Variants in FAM13A observed in about 807,000 individuals in gnomAD.
The protein encoded by FAM13A is protein FAM13A.
A neutral mutation model predicts 129.6 loss-of-function variants in FAM13A; 76 were observed. That is an observed-to-expected ratio of 0.59 (90% CI 0.49 to 0.71). The LOEUF (loss-of-function observed/expected upper bound fraction) is 0.71. Among genes scored for constraint, FAM13A ranks in the 30% least tolerant of loss-of-function variants. FAM13A has a pLI of 0.00. For missense variants in FAM13A, 1,108 were observed against 1,249.3 expected, an observed-to-expected ratio of 0.89 and a Z score of 1.70; for synonymous variants, 443 against 449.9, an observed-to-expected ratio of 0.98 and a Z score of 0.20.
At chr4:88,978,514 G>T (rs1164129701) in intron 4 of FAM13A, among the ~76,000 whole-genome samples, 1 of 152,204 alleles carries the variant, frequency 6.6e-6, no homozygotes, top group African/African-American at 2.4e-5. Flanking sequence ...CACAATTAAG[G>T]CTGGGTGCAG....
rs572243027 is a variant in FAM13A, at chr4:88,787,753, T to G, written c.1271A>C (p.Lys424Thr). The change falls in exon 10 of 24, where the codon AAG (lysine) becomes ACG (threonine). Residue 424 changes from lysine to threonine, a missense_variant and splice_region_variant. This residue lies in a region of FAM13A where 566 missense variants were observed against 595.7 expected (regional missense o/e 0.95). Transcript: ENST00000264344. ...AGAGGAAGAATCAATGCCAACTCACTTGTCTCTCCCATGTCGAACTTCATC... is the reference window on the plus strand; with the variant it reads ...AGAGGAAGAATCAATGCCAACTCACGTGTCTCTCCCATGTCGAACTTCATC... ...EQDEVRHGRD[K>T]GLINKENTPS... 2.5e-6 allele frequency: 4 copies of G among 1,610,770 alleles called. No homozygotes were observed. In the African/African-American group the frequency reaches 5.3e-5, roughly 22 times the overall value.
chr4:88,755,050 A>G (rs1743356454), intron 14 of FAM13A, among the ~76,000 whole-genome samples: 1 of 152,172 alleles, frequency 6.6e-6, no homozygotes, highest in African/African-American at 2.4e-5. Flanking sequence ...CGCCCCGTCA[A>G]AGTCCCAGGT....
At chr4:89,046,564 G>T (rs1416336708) in intron 1 of FAM13A, among the ~76,000 whole-genome samples, 1 of 152,162 alleles carries the variant, frequency 6.6e-6, no homozygotes, top group Non-Finnish European at 1.5e-5. Flanking sequence ...AAAAAGAAAA[G>T]AGTGGCCGGG....
chr4:88,863,010 A>ATATACATATATGTATATG (rs144141989), intron 6 of FAM13A, among the ~76,000 whole-genome samples: 1 of 150,640 alleles, frequency 6.6e-6, no homozygotes, highest in East Asian at 2.0e-4. Context: ...AAATATATAC[A>ATATACATATATGTATATG]TATATATTTG....
chr4:88,986,040 T>C (rs976999590), intron 4 of FAM13A, among the ~76,000 whole-genome samples: 1 of 152,026 alleles, frequency 6.6e-6, no homozygotes, highest in African/African-American at 2.4e-5. Context: ...CTAATAAAAA[T>C]GTTTTCCAAA....
chr4:88,949,333 A>C (rs1454635141), intron 4 of FAM13A, among the ~76,000 whole-genome samples: 1 of 152,206 alleles, frequency 6.6e-6, no homozygotes, highest in Non-Finnish European at 1.5e-5. Context: ...CACCTGATCA[A>C]ATTGCTCCAT....
intron 7 of FAM13A, among the ~76,000 whole-genome samples, chr4:88,828,831 C>T (rs1733444379): frequency 1.3e-5 from 2 of 152,160 alleles, no homozygotes; most frequent in African/African-American, 4.8e-5. Context: ...AATAAACTAC[C>T]TGGGTTATAT....
chr4:89,035,437 C>T (rs1304135124), intron 1 of FAM13A, among the ~76,000 whole-genome samples: 2 of 100,920 alleles, frequency 2.0e-5, no homozygotes, highest in Admixed American at 1.2e-4. Flanking sequence ...AATTAAAGCA[C>T]AAGAACAACA....
intron 4 of FAM13A, among the ~76,000 whole-genome samples, chr4:88,946,696 CTTT>C (rs545751558): frequency 1.3e-5 from 2 of 150,560 alleles, no homozygotes; most frequent in South Asian, 4.2e-4. Flanking sequence ...TCTGGCTCAG[CTTT>C]TTTTTTATTT....
At chr4:88,852,230 T>C (rs1025675996) in intron 6 of FAM13A, among the ~76,000 whole-genome samples, 2 of 151,824 alleles carry the variant, frequency 1.3e-5, no homozygotes, top group Admixed American at 6.6e-5. Flanking sequence ...GGCGTGATCT[T>C]GGCTTACTGC....
intron 6 of FAM13A, among the ~76,000 whole-genome samples, chr4:88,865,959 C>A (rs1740360544): frequency 6.9e-6 from 1 of 145,070 alleles, no homozygotes; most frequent in African/African-American, 2.6e-5. Context: ...GCACAGTCTG[C>A]CTCCTGGGTT....
At chr4:88,777,665 C>T (rs1722037963) in intron 11 of FAM13A, among the ~76,000 whole-genome samples, 1 of 151,756 alleles carries the variant, frequency 6.6e-6, no homozygotes, top group Non-Finnish European at 1.5e-5. Context: ...GACACCAAAT[C>T]TGTAAGACAC....
intron 6 of FAM13A, among the ~76,000 whole-genome samples, chr4:88,872,819 A>T (rs895069793): frequency 1.3e-5 from 2 of 152,216 alleles, no homozygotes; most frequent in Non-Finnish European, 2.9e-5. Context: ...TCTCCACCTC[A>T]AATCAACAGA....
chr4:88,970,325 T>C lies in FAM13A; in HGVS notation c.605+20648A>G, dbSNP rs552173746. On this transcript the variant is annotated intron_variant, in intron 4 of 23. Coordinates refer to ENST00000264344, the MANE Select transcript of FAM13A (RefSeq NM_014883.4). ...ATTCTTATGGATGGCTCCTGGAAAA[T>C]AGTAGAGGAGATGAGGCTATACAAG... 3.8e-4 allele frequency among the ~76,000 whole-genome samples: 57 copies of C among 151,904 alleles called. 1 individual carries two copies. The highest frequency in any genetic ancestry group is 1.3e-3 in the African/African-American group (54 of 41,412).
chr4:88,994,593 A>T (rs1039025965), intron 3 of FAM13A, among the ~76,000 whole-genome samples: 3 of 152,110 alleles, frequency 2.0e-5, no homozygotes, highest in Non-Finnish European at 4.4e-5. Context: ...TAATTCCAGC[A>T]CTTTAGGAGG....
chr4:88,861,523 T>C (rs1028888163), intron 6 of FAM13A, among the ~76,000 whole-genome samples: 3 of 152,134 alleles, frequency 2.0e-5, no homozygotes, highest in Non-Finnish European at 1.5e-5. Context: ...CTGTGGAACT[T>C]GGGAAGACAA....
intron 6 of FAM13A, among the ~76,000 whole-genome samples, chr4:88,901,312 C>T (rs1747263734): frequency 6.6e-6 from 1 of 152,136 alleles, no homozygotes; most frequent in Non-Finnish European, 1.5e-5. Flanking sequence ...ACCTACAGAA[C>T]TCTCCACCCA....
At chr4:89,041,413 G>A (rs779656238) in intron 1 of FAM13A, among the ~76,000 whole-genome samples, 6 of 152,058 alleles carry the variant, frequency 3.9e-5, no homozygotes, top group Non-Finnish European at 5.9e-5. Context: ...CATTTATGCC[G>A]AAGGTTGCAA....
intron 4 of FAM13A, among the ~76,000 whole-genome samples, chr4:88,962,267 T>C (rs570538651): frequency 6.6e-6 from 1 of 152,178 alleles, no homozygotes; most frequent in East Asian, 1.9e-4. Flanking sequence ...ATGAACTATA[T>C]GGATTTTAAT....
Sources: allele counts gnomAD v4.1 joint callset (sites outside exome capture counted in the v4.1 genomes callset), GRCh38; gene constraint gnomAD v4.1.1; regional missense constraint gnomAD v4.1.1; transcripts MANE v1.5; gene names NCBI Gene and HGNC (gene_info 2026-07-23, HGNC 2026-07-21).